The following SLC44A5 variants were observed in gnomAD, a reference collection of about 807,000 sequenced individuals.
SLC44A5 encodes the protein solute carrier family 44 member 5.
SLC44A5 carries 57 observed loss-of-function variants against 101.8 expected under a neutral mutation model. The ratio of observed to expected loss-of-function variants is 0.56; its 90% CI spans 0.45 to 0.70. The LOEUF (loss-of-function observed/expected upper bound fraction) is 0.70, where lower values mean the gene tolerates loss of function less well. SLC44A5 is among the 30% of genes least tolerant of loss of function. The probability of loss-of-function intolerance (pLI) is 0.00; values close to 1 mark genes in which losing one functional copy is unlikely to be tolerated. For synonymous variants in SLC44A5, 281 were observed against 290.9 expected (o/e 0.97, Z 0.35); for missense variants, 737 against 853.1 (o/e 0.86, Z 1.70).
At chr1:75,611,242 G>A (rs886816783), upstream of SLC44A5, 6 of 202,110 alleles carry the variant, frequency 3.0e-5, no homozygotes, top group Non-Finnish European at 5.3e-5. Context: ...GGAGTATAAA[G>A]AGGGGGAGGA....
At chr1:75,292,352 T>C (rs1305760067) in intron 5 of SLC44A5, among the ~76,000 whole-genome samples, 6 of 152,198 alleles carry the variant, frequency 3.9e-5, no homozygotes, top group Non-Finnish European at 8.8e-5. Context: ...CTGAAAATGT[T>C]ACATGTAATA....
At chr1:75,537,911 G>A (rs574259830) in intron 2 of SLC44A5, 2 of 152,152 alleles carry the variant, frequency 1.3e-5, no homozygotes, top group African/African-American at 2.4e-5. Flanking sequence ...TCTGTTTTCT[G>A]AGGGGGACAG....
chr1:75,391,279 C>A (rs1415362723), intron 3 of SLC44A5, among the ~76,000 whole-genome samples: 1 of 151,910 alleles, frequency 6.6e-6, no homozygotes, highest in Non-Finnish European at 1.5e-5. Flanking sequence ...CCATACTGCC[C>A]AAAGCAATAT....
Position 75,254,043 on chromosome 1 carries a change from C to A in SLC44A5, c.261-2749G>T, listed in dbSNP as rs1649802716. 2.0e-5 allele frequency among the ~76,000 whole-genome samples: 3 copies of A among 146,748 alleles called. No homozygotes were observed. In the South Asian group the frequency reaches 6.5e-4, roughly 32 times the overall value. ...ATTCTCAAATTTCAGGGGACCACAA[C>A]TTTTTTTTTTTTTAGACGGTTTCTC... is the stretch of plus-strand genomic sequence containing the variant. On this transcript the variant is annotated intron_variant, in intron 6 of 23. Coordinates refer to ENST00000370859, the MANE Select transcript of SLC44A5 (RefSeq NM_001130058.2).
At chr1:75,508,455 G>A (rs967625675) in intron 2 of SLC44A5, among the ~76,000 whole-genome samples, 2 of 151,788 alleles carry the variant, frequency 1.3e-5, no homozygotes, top group African/African-American at 2.4e-5. Flanking sequence ...AGAACAACAA[G>A]GACAAACTAA....
intron 2 of SLC44A5, among the ~76,000 whole-genome samples, chr1:75,430,674 G>T (rs1296611863): frequency 6.6e-6 from 1 of 152,174 alleles, no homozygotes; most frequent in Admixed American, 6.5e-5. Context: ...CAAGTATGTG[G>T]ACACCATCCC....
chr1:75,552,469 C>T (rs973908261), intron 1 of SLC44A5, among the ~76,000 whole-genome samples: 3 of 14,214 alleles, frequency 2.1e-4, no homozygotes, highest in African/African-American at 1.0e-3. Flanking sequence ...AAAAATATAA[C>T]GGCAAAAAAA....
intron 23 of SLC44A5, among the ~76,000 whole-genome samples, chr1:75,208,962 T>C (rs560713816): frequency 1.3e-5 from 2 of 152,296 alleles, no homozygotes; most frequent in South Asian, 4.1e-4. Context: ...TAAATAAATC[T>C]ACACATTCAG....
intron 5 of SLC44A5, among the ~76,000 whole-genome samples, chr1:75,279,818 GT>G (rs1652251899): frequency 6.6e-6 from 1 of 151,708 alleles, no homozygotes. Context: ...ACATGGATAA[GT>G]CCTTTAGTGG....
At chr1:75,560,445 GA>G (rs1469458503) in intron 1 of SLC44A5, among the ~76,000 whole-genome samples, 3 of 152,176 alleles carry the variant, frequency 2.0e-5, no homozygotes, top group Non-Finnish European at 4.4e-5. Context: ...GAGGAATGGA[GA>G]GTGACTGCTA....
At chr1:75,564,025 C>A (rs928948416) in intron 1 of SLC44A5, among the ~76,000 whole-genome samples, 1 of 152,136 alleles carries the variant, frequency 6.6e-6, no homozygotes, top group African/African-American at 2.4e-5. Flanking sequence ...TGGTGTATTA[C>A]CCCTCTCTAC....
intron 2 of SLC44A5, among the ~76,000 whole-genome samples, chr1:75,461,028 A>G (rs1666466063): frequency 6.6e-6 from 1 of 152,178 alleles, no homozygotes; most frequent in Non-Finnish European, 1.5e-5. Flanking sequence ...TGATAGTGAA[A>G]AAAAAAATGG....
At chr1:75,290,559 A>G (rs1018741419) in intron 5 of SLC44A5, among the ~76,000 whole-genome samples, 1 of 152,118 alleles carries the variant, frequency 6.6e-6, no homozygotes, top group South Asian at 2.1e-4. Flanking sequence ...GGAGCCTTAG[A>G]GAGGTGTAGC....
chr1:75,459,851 T>C (rs1295033398), intron 2 of SLC44A5, among the ~76,000 whole-genome samples: 1 of 152,198 alleles, frequency 6.6e-6, no homozygotes, highest in Admixed American at 6.5e-5. Flanking sequence ...AGGGTCTCAC[T>C]ATGTTGCCCA....
At chr1:75,582,444 G>T in intron 1 of SLC44A5, 1 of 652,652 alleles carries the variant, frequency 1.5e-6, no homozygotes, top group South Asian at 1.9e-5. Flanking sequence ...AAAGGGCTCA[G>T]GCTGTGTGGG....
chr1:75,589,321 T>C (rs142089122), intron 1 of SLC44A5, among the ~76,000 whole-genome samples: 23 of 152,336 alleles, frequency 1.5e-4, no homozygotes, highest in African/African-American at 5.5e-4. Flanking sequence ...GATCCTAAGT[T>C]TCCTTATCTG....
At chr1:75,427,362 A>G (rs879078733) in intron 2 of SLC44A5, among the ~76,000 whole-genome samples, 1 of 152,222 alleles carries the variant, frequency 6.6e-6, no homozygotes, top group Admixed American at 6.5e-5. Flanking sequence ...AGAGCTTGCC[A>G]TAGGGATACC....
chr1:75,624,786 T>A, the SLC44A5 span, among the ~76,000 whole-genome samples: 1 of 152,090 alleles, frequency 6.6e-6, no homozygotes, highest in Non-Finnish European at 1.5e-5. Context: ...AGTTGCCCAC[T>A]CACAGCCATC....
At chr1:75,385,688 C>T (rs372196497) in intron 3 of SLC44A5, among the ~76,000 whole-genome samples, 1 of 152,116 alleles carries the variant, frequency 6.6e-6, no homozygotes. Flanking sequence ...AAAAGAGGGA[C>T]TCCTCCCTAA....
Sources: gnomAD v4.1 joint callset for allele counts (sites outside exome capture counted in the v4.1 genomes callset) on GRCh38, gnomAD v4.1.1 for gene constraint, MANE v1.5 for transcripts, NCBI Gene and HGNC (gene_info 2026-07-23, HGNC 2026-07-21) for gene names.